Variants in SLCO2B1 observed in about 807,000 individuals in gnomAD.
SLCO2B1 encodes the protein solute carrier organic anion transporter family member 2B1, also known as OATP-RP2.
SLCO2B1 carries 41 observed loss-of-function variants against 67.3 expected under a neutral mutation model. The ratio of observed to expected loss-of-function variants is 0.61; its 90% CI spans 0.47 to 0.79. The LOEUF (loss-of-function observed/expected upper bound fraction) is 0.79. Ranked by LOEUF, SLCO2B1 falls within the 30% of genes least tolerant of loss-of-function variation. SLCO2B1 has a pLI of 0.00. For missense variants in SLCO2B1, 837 were observed against 920.1 expected, an observed-to-expected ratio of 0.91 and a Z score of 1.17; for synonymous variants, 379 against 381.4, an observed-to-expected ratio of 0.99 and a Z score of 0.07.
chr11:75,181,796 C>T (rs1171758688), intron 7 of SLCO2B1, among the ~76,000 whole-genome samples: 1 of 152,182 alleles, frequency 6.6e-6, no homozygotes, highest in African/African-American at 2.4e-5. Flanking sequence ...GGCTGCTGAC[C>T]CAGGCAAACA....
In SLCO2B1 at chr11:75,165,861, T is replaced by C. The variant is rs1294247364; in HGVS notation, c.360T>C (p.Tyr120=). ...TGCACCGACCCCGAATGATTGGCTATGGGGCTATCCTTGTGGCCCTGGCGG... is the reference window on the plus strand; with the variant it reads ...TGCACCGACCCCGAATGATTGGCTACGGGGCTATCCTTGTGGCCCTGGCGG... ...SRVHRPRMIG[Y]GAILVALAGL... Residue 120 remains tyrosine (Y), a synonymous_variant, in exon 4 of 14, where the codon TAT becomes TAC. Transcript: ENST00000289575. 1.9e-6 allele frequency: 3 copies of C among 1,614,202 alleles called. No homozygotes were observed. The highest frequency in any genetic ancestry group is 1.7e-5 in the Admixed American group (1 of 60,020).
intron 4 of SLCO2B1, among the ~76,000 whole-genome samples, chr11:75,168,866 G>A (rs1238185578): frequency 1.3e-5 from 2 of 152,176 alleles, no homozygotes; most frequent in Admixed American, 6.5e-5. Flanking sequence ...CCCCACCCAG[G>A]GGCCACCGTT....
Position 75,199,012 on chromosome 11 carries a change from G to A in SLCO2B1, c.1600-1212G>A, listed in dbSNP as rs557192084. Among the ~76,000 whole-genome samples, 5 of 152,286 alleles carry A rather than the reference G, an allele frequency of 3.3e-5. No homozygotes were observed. The South Asian group carries it at 1.0e-3, about 32-fold the overall frequency. On this transcript the variant is annotated intron_variant, in intron 10 of 13. Transcript: ENST00000289575. The stretch of plus-strand genomic sequence containing the variant: ...AACCCAAGTGAAGCCTCCAGCCTTT[G>A]CGTTCATCCTGGCAACCTCTGCTTC...
rs1027928324 is a variant in SLCO2B1 at position 75,169,816 on chromosome 11, C to G, written c.781+52C>G. ...AGACCCTAGCTAACTGACTGCCACTCTCATAGGAGACATTGAGCCAGGGGA... is the reference window on the plus strand; with the variant it reads ...AGACCCTAGCTAACTGACTGCCACTGTCATAGGAGACATTGAGCCAGGGGA... On this transcript the variant is annotated intron_variant, in intron 6 of 13. Transcript: ENST00000289575. 4.8e-6 allele frequency: 7 copies of G among 1,462,724 alleles called. No individual in the cohort carries two copies. In the African/African-American group the frequency reaches 9.7e-5, roughly 20 times the overall value. The allele number at this position is 1,462,724 out of a possible 1,614,324, so 90.6% of individuals were successfully genotyped here. A position where few individuals can be genotyped will look rare whatever the true frequency, so the allele number is the denominator to read the frequency against.
chr11:75,189,722 G>A (rs1426706664), intron 8 of SLCO2B1, among the ~76,000 whole-genome samples: 1 of 152,096 alleles, frequency 6.6e-6, no homozygotes, highest in Non-Finnish European at 1.5e-5. Context: ...CAAGGCAGGA[G>A]GACCTCTTGA....
chr11:75,169,157 C>A lies in SLCO2B1; in HGVS notation c.449-16C>A. On this transcript the variant is annotated splice_polypyrimidine_tract_variant and intron_variant, in intron 4 of 13. Transcript: ENST00000289575. ...CTTAGCTATTGTTATAATATTTTTTCATTGTCGTCTCTCAGAGGATATGCC... is the reference window on the plus strand; with the variant it reads ...CTTAGCTATTGTTATAATATTTTTTAATTGTCGTCTCTCAGAGGATATGCC... 6.3e-7 allele frequency: 1 copy of A among 1,590,000 alleles called. No individual in the cohort carries two copies. The highest frequency in any genetic ancestry group is 8.6e-7 in the Non-Finnish European group (1 of 1,162,768).
At chr11:75,200,026 A>C in intron 10 of SLCO2B1, 198 bp from the exon 11 acceptor site, 1 of 537,228 alleles carries the variant, frequency 1.9e-6, no homozygotes. Flanking sequence ...CTCAACTTGC[A>C]CATAGACAGC....
intron 8 of SLCO2B1, among the ~76,000 whole-genome samples, chr11:75,191,849 G>A (rs1039764715): frequency 6.6e-6 from 1 of 152,212 alleles, no homozygotes; most frequent in African/African-American, 2.4e-5. Flanking sequence ...TTTCACCTGG[G>A]CTGCCCCTAC....
rs115859987 is a variant in SLCO2B1, at chr11:75,160,420, C to T, written c.17-2235C>T. Among the ~76,000 whole-genome samples the T allele has an allele frequency of 6.6e-3, 1,008 of 152,268 alleles. 7 individuals are homozygous for T. The highest frequency in any genetic ancestry group is 0.023 in the African/African-American group (963 of 41,550). ...TAGAGATAATAAGACACCAAAGGGA[C>T]GGAGCTGTGGAGAGGGTTCATGGGC... On this transcript the variant is annotated intron_variant, in intron 1 of 13. Transcript: ENST00000289575.
chr11:75,204,081 A>C, intron 13 of SLCO2B1: 2 of 211,830 alleles, frequency 9.4e-6, no homozygotes, highest in Non-Finnish European at 1.9e-5. Context: ...GGGAGAGGGA[A>C]TCCGTTTGTT....
intron 1 of SLCO2B1, among the ~76,000 whole-genome samples, chr11:75,153,710 G>A (rs1046629785): frequency 2.0e-5 from 3 of 152,152 alleles, no homozygotes; most frequent in Admixed American, 6.5e-5. Flanking sequence ...TTGGAGGAGC[G>A]GGGGTCACTG....
At chr11:75,178,093 CAAA>C (rs71804511) in intron 7 of SLCO2B1, among the ~76,000 whole-genome samples, 2 of 84,390 alleles carry the variant, frequency 2.4e-5, no homozygotes, top group African/African-American at 7.8e-5. Context: ...GATTCCATCT[CAAA>C]AAAAAAAAAA....
chr11:75,165,821 A>C lies in SLCO2B1; in HGVS notation c.320A>C (p.Tyr107Ser), dbSNP rs749340894. The change falls in exon 4 of 14, where the codon TAT (tyrosine) becomes TCT (serine). Residue 107 changes from tyrosine to serine, a missense_variant. Tyr to Ser is a moderately radical substitution (Grantham distance 144). Transcript: ENST00000289575. ...GNTALIVFVS[Y>S]FGSRVHRPRM... ...ACAGCCTTGATTGTGTTTGTGAGCTATTTTGGCAGCCGGGTGCACCGACCC... is the reference window on the plus strand; with the variant it reads ...ACAGCCTTGATTGTGTTTGTGAGCTCTTTTGGCAGCCGGGTGCACCGACCC... 1.9e-6 allele frequency: 3 copies of C among 1,614,072 alleles called. No homozygotes were observed. Among genetic ancestry groups the C allele is most frequent in the Non-Finnish European group, 2.5e-6 (3 of 1,179,984 alleles).
intron 8 of SLCO2B1, among the ~76,000 whole-genome samples, chr11:75,191,163 G>A (rs1945018330): frequency 6.6e-6 from 1 of 152,074 alleles, no homozygotes. Flanking sequence ...TAGAAGGGAG[G>A]ATGGACCTTG....
At chr11:75,201,528 T>C (rs921323418) in intron 11 of SLCO2B1, 3 of 152,106 alleles carry the variant, frequency 2.0e-5, no homozygotes, top group Non-Finnish European at 2.9e-5. Flanking sequence ...CCACAAGACT[T>C]TCCCTCCACT....
chr11:75,187,968 C>T (rs1445036700), intron 7 of SLCO2B1, among the ~76,000 whole-genome samples, 168 bp from the exon 8 acceptor site: 1 of 152,142 alleles, frequency 6.6e-6, no homozygotes, highest in African/African-American at 2.4e-5. Flanking sequence ...TTGTTGGGTA[C>T]CTATAGGGCC....
intron 5 of SLCO2B1, 63 bp downstream of exon 5, chr11:75,169,469 A>C: frequency 6.9e-7 from 1 of 1,443,906 alleles, no homozygotes; most frequent in South Asian, 1.3e-5. Context: ...GGAGGAAGAG[A>C]GACCCAGGGT....
chr11:75,193,074 G>T lies in SLCO2B1; in HGVS notation c.1076-144G>T, dbSNP rs775917285. 14 of 642,958 alleles carry T rather than the reference G, an allele frequency of 2.2e-5. No individual in the cohort carries two copies. The highest frequency in any genetic ancestry group is 3.8e-5 in the Non-Finnish European group (14 of 371,004). 39.8% of individuals were successfully genotyped at this position (642,958 alleles called of 1,614,324 possible). ...GAGTAAATGGAATGGAGTCAAGTGG[G>T]ATAAAATTGATTGCAATAGAATTAA... On this transcript the variant is annotated intron_variant, in intron 8 of 13. Coordinates refer to ENST00000289575, the MANE Select transcript of SLCO2B1 (RefSeq NM_007256.5). The surrounding 1 kb of genome is among the most constrained non-coding windows in gnomAD (Gnocchi z 4.2).
chr11:75,165,819 C>T lies in SLCO2B1; in HGVS notation c.318C>T (p.Ser106=). 4 of 1,614,194 alleles carry T rather than the reference C, an allele frequency of 2.5e-6. No homozygotes were observed. Among genetic ancestry groups the T allele is most frequent in the South Asian group, 1.1e-5 (1 of 91,088 alleles). Residue 106 remains serine, a synonymous_variant, in exon 4 of 14, where the codon AGC becomes AGT. Coordinates refer to ENST00000289575, the MANE Select transcript of SLCO2B1 (RefSeq NM_007256.5). ...VGNTALIVFV[S]YFGSRVHRPR... ...ACACAGCCTTGATTGTGTTTGTGAG[C>T]TATTTTGGCAGCCGGGTGCACCGAC...
Sources: gnomAD v4.1 joint callset for allele counts (sites outside exome capture counted in the v4.1 genomes callset) on GRCh38, gnomAD v4.1.1 for gene constraint, Gnocchi (gnomAD v3.1) non-coding constraint, MANE v1.5 for transcripts, NCBI Gene and HGNC (gene_info 2026-07-23, HGNC 2026-07-21) for gene names.